Variants in BRMS1 observed in about 807,000 individuals in gnomAD.
The protein encoded by BRMS1 is breast cancer metastasis-suppressor 1.
A neutral mutation model predicts 40.4 loss-of-function variants in BRMS1; 26 were observed. The ratio of observed to expected loss-of-function variants is 0.64; its 90% confidence interval spans 0.47 to 0.89. BRMS1 has a LOEUF of 0.89. BRMS1 is among the 40% of genes least tolerant of loss of function. The pLI is 0.00. For synonymous variants in BRMS1, 103 were observed against 116.0 expected, an observed-to-expected ratio of 0.89 and a Z score of 0.72; for missense variants, 289 against 309.4, an observed-to-expected ratio of 0.93 and a Z score of 0.49.
intron 6 of BRMS1, 60 bp downstream of exon 6, chr11:66,340,714 G>A (rs1010117479): frequency 1.4e-6 from 2 of 1,417,192 alleles, no homozygotes; most frequent in Non-Finnish European, 1.9e-6. Context: ...GAAGCCCAAA[G>A]AGGGGTGGGC....
Position 66,345,060 on chromosome 11 carries a change from G to A in BRMS1, c.-96C>T, listed in dbSNP as rs1855176509. The stretch of plus-strand genomic sequence containing the variant: ...TACCGGCTGCTGCCGCCGGACTCCC[G>A]TAGGCGCTGCGCGGCTCCCTTTTCT... On this transcript the variant is annotated 5_prime_UTR_variant, in exon 1 of 10. It adds an upstream start codon to the 5' untranslated region. Coordinates refer to ENST00000359957, the MANE Select transcript of BRMS1 (RefSeq NM_015399.4). 6.6e-6 allele frequency: 1 copy of A among 152,254 alleles called. No individual in the cohort carries two copies. Among genetic ancestry groups the A allele is most frequent in the East Asian group, 1.9e-4 (1 of 5,198 alleles). The allele number at this position is 152,254 out of a possible 1,614,324, so 9.4% of individuals were successfully genotyped here.
chr11:66,342,543 C>G (rs961354457), intron 1 of BRMS1, among the ~76,000 whole-genome samples: 4 of 152,198 alleles, frequency 2.6e-5, no homozygotes, highest in Non-Finnish European at 5.9e-5. Flanking sequence ...TCTCCACTGC[C>G]TTTGCAACTG....
At chr11:66,338,166 C>A in intron 9 of BRMS1, 77 bp downstream of exon 9, 1 of 1,563,584 alleles carries the variant, frequency 6.4e-7, no homozygotes, top group Admixed American at 1.8e-5. Flanking sequence ...TTTCTCTGGG[C>A]TCCTTCCTGG....
intron 1 of BRMS1, among the ~76,000 whole-genome samples, chr11:66,343,266 A>G (rs1368028927): frequency 6.6e-6 from 1 of 152,232 alleles, no homozygotes; most frequent in East Asian, 1.9e-4. Context: ...GCTAATGCCA[A>G]TATTTTTCAG....
intron 1 of BRMS1, among the ~76,000 whole-genome samples, chr11:66,343,089 A>G (rs1740828598): frequency 6.6e-6 from 1 of 152,192 alleles, no homozygotes; most frequent in East Asian, 1.9e-4. Flanking sequence ...AAACACAGAA[A>G]CACAAAACCT....
chr11:66,341,486 T>A lies in BRMS1; in HGVS notation c.230+47A>T. 2 of 1,607,930 alleles carry A rather than the reference T, an allele frequency of 1.2e-6. No individual in the cohort carries two copies. Among genetic ancestry groups the A allele is most frequent in the African/African-American group, 2.7e-5 (2 of 74,904 alleles). On this transcript the variant is annotated intron_variant, in intron 3 of 9. Transcript: ENST00000359957. The surrounding 1 kb of genome is among the most constrained non-coding windows in gnomAD (Gnocchi z 4.9). ...GCCCAGTACCAGGCCCACCACCTCC[T>A]CATCCCAGATCCTCGCAGACCCAGC...
intron 1 of BRMS1, among the ~76,000 whole-genome samples, chr11:66,343,229 G>A (rs566173560): frequency 2.0e-5 from 3 of 152,270 alleles, no homozygotes; most frequent in South Asian, 2.1e-4. Context: ...AACTGATCCC[G>A]TAGCATTAAC....
Position 66,341,018 on chromosome 11 carries a change from C to T in BRMS1, c.387G>A (p.Val129=). The T allele has an allele frequency of 6.2e-7, 1 of 1,614,110 alleles. No individual in the cohort carries two copies. Residue 129 remains valine (V), a synonymous_variant, in exon 5 of 10, where the codon GTG becomes GTA. Coordinates refer to ENST00000359957, the MANE Select transcript of BRMS1 (RefSeq NM_015399.4). The surrounding 1 kb of genome is among the most constrained non-coding windows in gnomAD (Gnocchi z 4.9). ...AGIYKGFCLD[V]IRNKYECELQ... ...GCTCACATTCGTACTTATTCCTGAT[C>T]ACATCCAGACAGAAGCCCTTGTAGA...
chr11:66,339,547 G>A (rs1009585703), intron 7 of BRMS1, among the ~76,000 whole-genome samples: 1 of 152,218 alleles, frequency 6.6e-6, no homozygotes, highest in Non-Finnish European at 1.5e-5. Flanking sequence ...CCAAGAGGAG[G>A]GTGGGATATG....
At position 66,340,805 on chromosome 11, in the gene BRMS1, C is replaced by T. The variant is rs1555015174; in HGVS notation, c.504G>A (p.Glu168=). 1.2e-6 allele frequency: 2 copies of T among 1,613,394 alleles called. No individual in the cohort carries two copies. The highest frequency in any genetic ancestry group is 8.5e-7 in the Non-Finnish European group (1 of 1,179,990). The change falls in exon 6 of 10, where the codon GAG becomes GAA. Residue 168 remains glutamate (E), a synonymous_variant. Coordinates refer to ENST00000359957, the MANE Select transcript of BRMS1 (RefSeq NM_015399.4). ...TGAGGTCCAGGCTCTGGCGGTCCTC[C>T]TCCAGCCTCTGGATCCGCTCCTGCA... ...GELQERIQRL[E]EDRQSLDLSS...
chr11:66,341,748 G>A lies in BRMS1; in HGVS notation c.140-125C>T, dbSNP rs1184694462. ...GTGTGTAGGGCCTGTGTGTGTGTGC[G>A]CGTACATGCTTGTGTGAAGGGGCTG... On this transcript the variant is annotated intron_variant, in intron 2 of 9. Coordinates refer to ENST00000359957, the MANE Select transcript of BRMS1 (RefSeq NM_015399.4). This position sits in a 1 kb window ranked among gnomAD's most constrained non-coding sequence, Gnocchi z 4.9. 19 of 845,486 alleles carry A rather than the reference G, an allele frequency of 2.2e-5. No individual in the cohort carries two copies. The highest frequency in any genetic ancestry group is 9.8e-5 in the East Asian group (4 of 40,838). The allele number at this position is 845,486 out of a possible 1,614,324, so 52.4% of individuals were successfully genotyped here.
chr11:66,341,750 G>A lies in BRMS1; in HGVS notation c.140-127C>T, dbSNP rs549887304. ...GTGTAGGGCCTGTGTGTGTGTGCGC[G>A]TACATGCTTGTGTGAAGGGGCTGTG... On this transcript the variant is annotated intron_variant, in intron 2 of 9. Coordinates refer to ENST00000359957, the MANE Select transcript of BRMS1 (RefSeq NM_015399.4). The surrounding 1 kb of genome is among the most constrained non-coding windows in gnomAD (Gnocchi z 4.9). 9.4e-5 allele frequency: 78 copies of A among 831,468 alleles called. 1 individual carries two copies. Among genetic ancestry groups the A allele is most frequent in the South Asian group, 5.6e-4 (40 of 71,362 alleles). The allele number at this position is 831,468 out of a possible 1,614,324, so 51.5% of individuals were successfully genotyped here.
chr11:66,343,219 A>G (rs1412527850), intron 1 of BRMS1, among the ~76,000 whole-genome samples: 1 of 152,202 alleles, frequency 6.6e-6, no homozygotes, highest in Non-Finnish European at 1.5e-5. Flanking sequence ...TCTCAGCTGA[A>G]ACTGATCCCG....
chr11:66,339,665 C>G (rs1329210340), intron 7 of BRMS1: 1 of 154,520 alleles, frequency 6.5e-6, no homozygotes, highest in Non-Finnish European at 1.4e-5. Flanking sequence ...GGCACCATCA[C>G]GGCTCACTGC....
At chr11:66,338,129 G>T in intron 9 of BRMS1, 114 bp downstream of exon 9, 1 of 1,428,312 alleles carries the variant, frequency 7.0e-7, no homozygotes, top group Non-Finnish European at 9.6e-7. Flanking sequence ...ACTTTCTTGA[G>T]CCACTGATTC....
chr11:66,340,223 G>A lies in BRMS1; in HGVS notation c.536-10C>T. 1 of 1,611,786 alleles carries A rather than the reference G, an allele frequency of 6.2e-7. No individual in the cohort carries two copies. The highest frequency in any genetic ancestry group is 2.2e-5 in the East Asian group (1 of 44,864). ...TTGTCATCCCACCATTCTGCCCCGA[G>A]ACCCAGAGTTAGAATTGGGGTGCTG... On this transcript the variant is annotated splice_polypyrimidine_tract_variant and intron_variant, in intron 6 of 9. Transcript: ENST00000359957.
chr11:66,338,024 C>A, intron 9 of BRMS1, 135 bp from the exon 10 acceptor site: 3 of 1,190,990 alleles, frequency 2.5e-6, no homozygotes, highest in Non-Finnish European at 3.6e-6. Flanking sequence ...CTGACCCCTC[C>A]TGAGTGGGAG....
At chr11:66,339,565 G>T (rs977748005) in intron 7 of BRMS1, among the ~76,000 whole-genome samples, 5 of 152,170 alleles carry the variant, frequency 3.3e-5, no homozygotes, top group Non-Finnish European at 7.4e-5. Context: ...ATGAGCAAAG[G>T]CTCCCCAGGG....
In BRMS1 at chr11:66,337,597, A is replaced by G; in HGVS notation, c.*285T>C. On this transcript the variant is annotated 3_prime_UTR_variant, in exon 10 of 10. Transcript: ENST00000359957. Reference sequence around the variant, plus strand: ...TGTCTTCTCTGTCAGGGGAGCCCCAAGAGATGGATCTTCAGGAGTGGGAGG... The same window carrying G: ...TGTCTTCTCTGTCAGGGGAGCCCCAGGAGATGGATCTTCAGGAGTGGGAGG... The G allele has an allele frequency of 6.4e-6, 8 of 1,249,262 alleles. No individual in the cohort carries two copies. The highest frequency in any genetic ancestry group is 4.3e-5 in the South Asian group (3 of 69,214). 77.4% of individuals were successfully genotyped at this position (1,249,262 alleles called of 1,614,324 possible). A position where few individuals can be genotyped will look rare whatever the true frequency, so the allele number is the denominator to read the frequency against.
Sources: gnomAD v4.1 joint callset for allele counts (sites outside exome capture counted in the v4.1 genomes callset) on GRCh38, gnomAD v4.1.1 for gene constraint, Gnocchi (gnomAD v3.1) non-coding constraint, MANE v1.5 for transcripts, NCBI Gene and HGNC (gene_info 2026-07-23, HGNC 2026-07-21) for gene names.